Variants in RUFY2 observed in about 807,000 individuals in gnomAD.
RUFY2 encodes RUN and FYVE domain-containing protein 2.
A neutral mutation model predicts 94.4 loss-of-function variants in RUFY2; 49 were observed. The ratio of observed to expected loss-of-function variants is 0.52; its 90% CI spans 0.41 to 0.66. The LOEUF (loss-of-function observed/expected upper bound fraction) is 0.66. RUFY2 is among the 30% of genes least tolerant of loss of function. The pLI, the probability that RUFY2 is intolerant of heterozygous loss-of-function variation, is 0.00. For missense variants in RUFY2, 541 were observed against 692.8 expected (o/e 0.78, Z 2.46); for synonymous variants, 255 against 235.7 (o/e 1.08, Z -0.75).
rs200960372 is a variant in RUFY2 at position 68,345,760 on chromosome 10, C to G, written c.*8G>C. The stretch of plus-strand genomic sequence containing the variant: ...TAATTTCATACATAAGGATTTAGTT[C>G]TGGAGTCTCAGGGCAAGTTAGATGA... On this transcript the variant is annotated 3_prime_UTR_variant, in exon 18 of 18. Coordinates refer to ENST00000602465, the MANE Select transcript of RUFY2 (RefSeq NM_001330103.2). 697 of 1,608,408 alleles carry G rather than the reference C, an allele frequency of 4.3e-4. No individual in the cohort carries two copies. Among genetic ancestry groups the G allele is most frequent in the Non-Finnish European group, 5.4e-4 (641 of 1,176,594 alleles).
At chr10:68,400,498 A>C in intron 3 of RUFY2, among the ~76,000 whole-genome samples, 1 of 149,912 alleles carries the variant, frequency 6.7e-6, no homozygotes, top group East Asian at 2.0e-4. Flanking sequence ...AACATGGTGA[A>C]ACCCCGTCTC....
chr10:68,359,796 A>G (rs1265311173), intron 15 of RUFY2, among the ~76,000 whole-genome samples: 1 of 151,544 alleles, frequency 6.6e-6, no homozygotes, highest in African/African-American at 2.4e-5. Flanking sequence ...TCTCAAAAAA[A>G]AAAAAAGATA....
chr10:68,357,064 G>C (rs945789155), intron 15 of RUFY2, among the ~76,000 whole-genome samples: 8 of 151,606 alleles, frequency 5.3e-5, no homozygotes, highest in African/African-American at 1.9e-4. Context: ...CTACTCAGGA[G>C]GCTGAGGCAG....
At chr10:68,367,100 G>A (rs570439847) in intron 13 of RUFY2, among the ~76,000 whole-genome samples, 8 of 151,366 alleles carry the variant, frequency 5.3e-5, no homozygotes, top group African/African-American at 1.5e-4. Context: ...CCCAGGAGGC[G>A]GAGGCTGCAG....
At chr10:68,379,219 GACA>G (rs1366769432) in intron 12 of RUFY2, 4 of 431,532 alleles carry the variant, frequency 9.3e-6, no homozygotes, top group African/African-American at 8.3e-5. Flanking sequence ...TCTACAATAT[GACA>G]ACTTCAAATG....
Position 68,383,880 on chromosome 10 carries a change from G to A in RUFY2, c.857C>T (p.Thr286Ile), listed in dbSNP as rs764998259. The A allele has an allele frequency of 6.2e-7, 1 of 1,613,802 alleles. No individual in the cohort carries two copies. The highest frequency in any genetic ancestry group is 8.5e-7 in the Non-Finnish European group (1 of 1,179,954). The change falls in exon 10 of 18, where the codon ACA becomes ATA. Residue 286 changes from threonine (T) to isoleucine (I), a missense_variant. Thr to Ile is a moderately conservative substitution (Grantham distance 89, BLOSUM62 -1). Around this residue, in one of 3 missense-constraint regions of RUFY2, gnomAD observed 403 missense variants for 480.7 expected, o/e 0.84. Coordinates refer to ENST00000602465, the MANE Select transcript of RUFY2 (RefSeq NM_001330103.2). ...TAGCCCCTGACGAGAATGCTTATAT[G>A]TTTGAAGCTCAGTTTCCACATCTAC... ...TKVDVETELQ[T>I]YKHSRQGLDE... is the part of the protein sequence containing the mutation.
downstream of RUFY2, chr10:68,342,247 T>C (rs1318070307): frequency 2.0e-6 from 1 of 494,398 alleles, no homozygotes; most frequent in Non-Finnish European, 3.6e-6. Context: ...ATACTTTGAC[T>C]TAAAAATAAA....
At chr10:68,392,797 G>A (rs558304609) in intron 7 of RUFY2, among the ~76,000 whole-genome samples, 3 of 151,010 alleles carry the variant, frequency 2.0e-5, no homozygotes, top group South Asian at 2.1e-4. Context: ...GTGTGGTGGT[G>A]CGCGCCTATA....
intron 15 of RUFY2, chr10:68,355,648 C>T: frequency 3.4e-6 from 1 of 292,670 alleles, no homozygotes; most frequent in Non-Finnish European, 6.5e-6. Flanking sequence ...GGTGCGGTGG[C>T]TCATGCCTGT....
In RUFY2 at chr10:68,396,818, A is replaced by C. The variant is rs771569053; in HGVS notation, c.360T>G (p.Asp120Glu). The C allele has an allele frequency of 6.2e-7, 1 of 1,613,976 alleles. No individual in the cohort carries two copies. The highest frequency in any genetic ancestry group is 1.1e-5 in the South Asian group (1 of 91,086). The change falls in exon 4 of 18, where the codon GAT (aspartate) becomes GAG (glutamate). Residue 120 changes from aspartate to glutamate, a missense_variant. Coordinates refer to ENST00000602465, the MANE Select transcript of RUFY2 (RefSeq NM_001330103.2). ...TCTGAATAATTAAGCAACGTAAGTA[A>C]TCGGCCATTTTTTTTTGCATGAGGG... The part of the protein sequence containing the change: ...RLALMQKKMA[D>E]YLRCLIIQRD...
intron 15 of RUFY2, among the ~76,000 whole-genome samples, chr10:68,360,335 C>T (rs753582657): frequency 6.6e-6 from 1 of 151,836 alleles, no homozygotes; most frequent in African/African-American, 2.4e-5. Context: ...GTGGCTCACA[C>T]CTGTAATGTC....
At chr10:68,342,112 T>A, downstream of RUFY2, 1 of 1,202,038 alleles carries the variant, frequency 8.3e-7, no homozygotes, top group East Asian at 2.4e-5. Flanking sequence ...TAGACTTTCT[T>A]ACAGATTTAA....
intron 4 of RUFY2, 63 bp downstream of exon 4, chr10:68,396,717 T>C: frequency 9.3e-7 from 1 of 1,075,412 alleles, no homozygotes; most frequent in Non-Finnish European, 1.4e-6. Context: ...TCTTAAATCC[T>C]TTTTGGAAGA....
rs1225098453 is a variant in RUFY2, at chr10:68,344,073, A to G, written c.*1695T>C. On this transcript the variant is annotated 3_prime_UTR_variant, in exon 18 of 18. Coordinates refer to ENST00000602465, the MANE Select transcript of RUFY2 (RefSeq NM_001330103.2). ...TATCAATACAAAATGGTTCAAGAAT[A>G]TAATCCTCTCTTGAGGACATTTCTG... The G allele has an allele frequency of 1.3e-5, 2 of 152,242 alleles. No homozygotes were observed. Among genetic ancestry groups the G allele is most frequent in the Non-Finnish European group, 2.9e-5 (2 of 68,040 alleles). 9.4% of individuals were successfully genotyped at this position (152,242 alleles called of 1,614,324 possible).
At chr10:68,392,865 T>G (rs1221566245) in intron 7 of RUFY2, among the ~76,000 whole-genome samples, 1 of 150,246 alleles carries the variant, frequency 6.7e-6, no homozygotes, top group Non-Finnish European at 1.5e-5. Context: ...GAGGCGGAGG[T>G]TGCAGTGAGC....
Position 68,346,060 on chromosome 10 carries a change from C to CT in RUFY2, c.1623dup (p.Glu542ArgfsTer6). On this transcript the variant is annotated frameshift_variant, in exon 17 of 18. Transcript: ENST00000602465. LOFTEE classifies it high-confidence loss of function. ...TCACAAAGTTTACAATGTGTTGCTTCTTTGTCTTTCAGCCAAACCAGTCCC... is the reference window on the plus strand; with the variant it reads ...TCACAAAGTTTACAATGTGTTGCTTCTTTTGTCTTTCAGCCAAACCAGTCCC... The CT allele has an allele frequency of 6.2e-7, 1 of 1,613,596 alleles. No homozygotes were observed. Among genetic ancestry groups the CT allele is most frequent in the African/African-American group, 1.3e-5 (1 of 75,026 alleles).
At chr10:68,378,539 GTC>G in intron 12 of RUFY2, 1 of 1,527,694 alleles carries the variant, frequency 6.5e-7, no homozygotes, top group Non-Finnish European at 8.8e-7. Context: ...TTTTCATTTA[GTC>G]TGTTTAAATA....
intron 12 of RUFY2, chr10:68,377,590 T>G: frequency 1.0e-6 from 1 of 985,414 alleles, no homozygotes; most frequent in Non-Finnish European, 1.2e-6. Context: ...CATCATTTGC[T>G]AGAGATCATT....
chr10:68,363,803 G>A (rs2047624180), intron 14 of RUFY2, 119 bp from the exon 15 acceptor site: 2 of 841,492 alleles, frequency 2.4e-6, no homozygotes, highest in Non-Finnish European at 3.6e-6. Flanking sequence ...GAAACAAATT[G>A]TGTCCAAAGC....
Sources: allele counts gnomAD v4.1 joint callset (sites outside exome capture counted in the v4.1 genomes callset), GRCh38; gene constraint gnomAD v4.1.1; regional missense constraint gnomAD v4.1.1; transcripts MANE v1.5; gene names NCBI Gene and HGNC (gene_info 2026-07-23, HGNC 2026-07-21).